Variants in CWC27 observed in about 807,000 individuals in gnomAD.
CWC27 encodes CWC27 spliceosome associated cyclophilin.
In CWC27, 47 loss-of-function variants were observed where a neutral mutation model predicts 63.6. That is an observed-to-expected ratio of 0.74 (90% CI 0.58 to 0.94). CWC27 has a LOEUF of 0.94. CWC27 is among the 40% of genes least tolerant of loss of function. The pLI, the probability that CWC27 is intolerant of heterozygous loss-of-function variation, is 0.00. For missense variants in CWC27, 495 were observed against 554.3 expected (o/e 0.89, Z 1.07); for synonymous variants, 175 against 179.8 (o/e 0.97, Z 0.22).
chr5:64,776,910 G>C (rs538153407), intron 2 of CWC27, among the ~76,000 whole-genome samples: 2 of 152,130 alleles, frequency 1.3e-5, no homozygotes, highest in South Asian at 4.1e-4. Context: ...AAAACCAAAG[G>C]ATCTACATTA....
chr5:64,964,280 TTCA>T (rs1460735277), intron 11 of CWC27, among the ~76,000 whole-genome samples: 1 of 152,226 alleles, frequency 6.6e-6, no homozygotes, highest in African/African-American at 2.4e-5. Context: ...ATTGATGGAA[TTCA>T]TTAGCAAAAT....
At chr5:64,962,221 T>G (rs1748923532) in intron 11 of CWC27, among the ~76,000 whole-genome samples, 3 of 152,214 alleles carry the variant, frequency 2.0e-5, no homozygotes, top group Admixed American at 6.5e-5. Context: ...ACACAAAACT[T>G]TCTTCTCCTA....
chr5:65,007,011 AAAG>A (rs1417159038), intron 13 of CWC27, among the ~76,000 whole-genome samples: 6 of 141,408 alleles, frequency 4.2e-5, no homozygotes, highest in Non-Finnish European at 7.8e-5. Context: ...AGAAAGAAAG[AAAG>A]AAAGAAAGAA....
chr5:64,895,984 T>A (rs988534884), intron 11 of CWC27, among the ~76,000 whole-genome samples: 2 of 152,190 alleles, frequency 1.3e-5, no homozygotes, highest in Non-Finnish European at 2.9e-5. Flanking sequence ...GAGATGATAC[T>A]GAGTGTTTTA....
At chr5:64,910,505 A>G (rs1747761646) in intron 11 of CWC27, among the ~76,000 whole-genome samples, 1 of 152,250 alleles carries the variant, frequency 6.6e-6, no homozygotes, top group Non-Finnish European at 1.5e-5. Context: ...GGGATGTTTA[A>G]GACTGCAGAA....
chr5:64,976,795 G>C (rs1749235266), intron 12 of CWC27, among the ~76,000 whole-genome samples: 1 of 152,012 alleles, frequency 6.6e-6, no homozygotes, highest in African/African-American at 2.4e-5. Context: ...TCCCACTTTG[G>C]CCTCCCAGAG....
chr5:64,777,492 A>G (rs529387838), intron 2 of CWC27, among the ~76,000 whole-genome samples: 1 of 152,256 alleles, frequency 6.6e-6, no homozygotes, highest in East Asian at 1.9e-4. Context: ...GCAAGTATAA[A>G]TTCCTCTATG....
At chr5:64,853,610 T>G (rs140201969) in intron 10 of CWC27, among the ~76,000 whole-genome samples, 63 of 152,188 alleles carry the variant, frequency 4.1e-4, no homozygotes, top group African/African-American at 1.5e-3. Context: ...AAGCATGATA[T>G]CAACATCTGC....
At chr5:64,781,054 C>T (rs976463566) in intron 2 of CWC27, among the ~76,000 whole-genome samples, 2 of 152,146 alleles carry the variant, frequency 1.3e-5, no homozygotes, top group Non-Finnish European at 2.9e-5. Flanking sequence ...CACTGAGATG[C>T]CATGCTTCTG....
intron 7 of CWC27, among the ~76,000 whole-genome samples, chr5:64,796,839 T>C (rs1744294387): frequency 8.2e-6 from 1 of 121,254 alleles, no homozygotes; most frequent in Non-Finnish European, 1.7e-5. Context: ...CTTCCTTCCT[T>C]CTTCCCTCCC....
chr5:64,848,913 C>T (rs1194197848), intron 10 of CWC27, among the ~76,000 whole-genome samples: 1 of 152,100 alleles, frequency 6.6e-6, no homozygotes, highest in Non-Finnish European at 1.5e-5. Flanking sequence ...AGCTTTTTCT[C>T]TTAAAATCTG....
chr5:64,929,151 A>G (rs535608767), intron 11 of CWC27, among the ~76,000 whole-genome samples: 288 of 152,284 alleles, frequency 1.9e-3, no homozygotes, highest in African/African-American at 6.6e-3. Context: ...GGATTGGTAT[A>G]TGTGGATGGA....
intron 11 of CWC27, among the ~76,000 whole-genome samples, chr5:64,894,787 A>G (rs1390623879): frequency 1.3e-5 from 2 of 152,236 alleles, no homozygotes; most frequent in Non-Finnish European, 2.9e-5. Flanking sequence ...AACCCTAAGG[A>G]CATTTGTTAA....
rs1423681401 is a variant in CWC27 at position 64,797,514 on chromosome 5, T to A, written c.670-2734T>A. ...AGTTAGTTAAAATTTGAAATGGTAATGATTATTAAAATTAAACACAGGTTC... is the reference window on the plus strand; with the variant it reads ...AGTTAGTTAAAATTTGAAATGGTAAAGATTATTAAAATTAAACACAGGTTC... On this transcript the variant is annotated intron_variant, in intron 7 of 13. Coordinates refer to ENST00000381070, the MANE Select transcript of CWC27 (RefSeq NM_005869.4). 2.6e-5 allele frequency among the ~76,000 whole-genome samples: 4 copies of A among 152,182 alleles called. 1 individual carries two copies. The highest frequency in any genetic ancestry group is 2.6e-4 in the Admixed American group (4 of 15,268).
At chr5:64,968,723 T>C (rs1327412886) in intron 11 of CWC27, among the ~76,000 whole-genome samples, 1 of 152,190 alleles carries the variant, frequency 6.6e-6, no homozygotes, top group Non-Finnish European at 1.5e-5. Context: ...TTGGACACTT[T>C]GTAGGGTATG....
intron 10 of CWC27, among the ~76,000 whole-genome samples, chr5:64,882,936 T>G (rs1201873008): frequency 6.6e-6 from 1 of 152,182 alleles, no homozygotes; most frequent in Non-Finnish European, 1.5e-5. Flanking sequence ...AACTTAAAAT[T>G]GTATGTGTAT....
At chr5:65,009,967 T>C (rs756560565) in intron 13 of CWC27, among the ~76,000 whole-genome samples, 3 of 152,170 alleles carry the variant, frequency 2.0e-5, no homozygotes, top group Non-Finnish European at 4.4e-5. Flanking sequence ...GTGAGGTAAA[T>C]AGGTTGCACA....
chr5:65,005,450 G>A (rs113118015), intron 13 of CWC27, among the ~76,000 whole-genome samples: 105 of 152,224 alleles, frequency 6.9e-4, no homozygotes, highest in African/African-American at 2.5e-3. Flanking sequence ...GGCAGACACA[G>A]CATGCTTAAC....
intron 13 of CWC27, among the ~76,000 whole-genome samples, chr5:65,008,112 C>T (rs1749884503): frequency 6.6e-6 from 1 of 152,184 alleles, no homozygotes; most frequent in Non-Finnish European, 1.5e-5. Context: ...GTCCATAACA[C>T]TAAAGAAATC....
Sources: allele counts gnomAD v4.1 joint callset (sites outside exome capture counted in the v4.1 genomes callset), GRCh38; gene constraint gnomAD v4.1.1; transcripts MANE v1.5; gene names NCBI Gene and HGNC (gene_info 2026-07-23, HGNC 2026-07-21).